Variants in KCTD1 observed in about 807,000 individuals in gnomAD.
KCTD1 encodes the protein BTB/POZ domain-containing protein KCTD1.
Under a neutral mutation model 66.0 loss-of-function variants are expected in KCTD1, and 24 were observed. The ratio of observed to expected loss-of-function variants is 0.36; its 90% CI spans 0.26 to 0.51. The LOEUF (loss-of-function observed/expected upper bound fraction) is 0.51, where lower values mean the gene tolerates loss of function less well. KCTD1 is among the 20% of genes least tolerant of loss of function. KCTD1 has a pLI of 0.95. For synonymous variants in KCTD1, 511 were observed against 517.2 expected (o/e 0.99, Z 0.16); for missense variants, 943 against 1,205.2 (o/e 0.78, Z 3.22).
At chr18:26,586,343 A>G (rs1161759914) in intron 1 of KCTD1, among the ~76,000 whole-genome samples, 3 of 152,188 alleles carry the variant, frequency 2.0e-5, no homozygotes, top group Admixed American at 6.5e-5. Flanking sequence ...CTGCACCCAT[A>G]TAAGACAGTG....
In KCTD1 at chr18:26,548,149, C is replaced by A; in HGVS notation, c.388G>T (p.Ala130Ser). The A allele has an allele frequency of 7.4e-7, 1 of 1,352,652 alleles. No individual in the cohort carries two copies. Among genetic ancestry groups the A allele is most frequent in the Non-Finnish European group, 9.5e-7 (1 of 1,058,180 alleles). The allele number at this position is 1,352,652 out of a possible 1,614,324, so 83.8% of individuals were successfully genotyped here. A position where few individuals can be genotyped will look rare whatever the true frequency, so the allele number is the denominator to read the frequency against. The change falls in exon 1 of 5, where the codon GCG becomes TCG. Residue 130 changes from alanine (A) to serine (S), a missense_variant. Transcript: ENST00000580059. Reference sequence around the variant, plus strand: ...CGCGGCGGCGCCTCGGGCTCCAGCGCGGCGCTCTGGTCCATATTGATCATA... The same window carrying A: ...CGCGGCGGCGCCTCGGGCTCCAGCGAGGCGCTCTGGTCCATATTGATCATA... Reference protein sequence around the residue: ...VHMINMDQSAALEPEAPPRLL... With the variant: ...VHMINMDQSASLEPEAPPRLL...
At chr18:26,604,517 A>G (rs1467609312) in intron 1 of KCTD1, among the ~76,000 whole-genome samples, 2 of 152,244 alleles carry the variant, frequency 1.3e-5, no homozygotes, top group Non-Finnish European at 2.9e-5. Flanking sequence ...CTAAATGTCT[A>G]TAAAGAAAAT....
intron 1 of KCTD1, among the ~76,000 whole-genome samples, chr18:26,582,955 A>G (rs1192676732): frequency 6.6e-6 from 1 of 152,216 alleles, no homozygotes; most frequent in African/African-American, 2.4e-5. Context: ...AATTCAATTT[A>G]GAGAAAAAAT....
chr18:26,634,365 T>C (rs1987679569), intron 1 of KCTD1, among the ~76,000 whole-genome samples: 1 of 152,210 alleles, frequency 6.6e-6, no homozygotes, highest in African/African-American at 2.4e-5. Flanking sequence ...TAATCCATTT[T>C]GTGAAACAAC....
upstream of KCTD1, chr18:26,549,771 C>T (rs943505958): frequency 3.2e-5 from 32 of 985,444 alleles, no homozygotes; most frequent in African/African-American, 5.2e-4. Context: ...CCGGGCTGCG[C>T]TGCCTCAGGC....
At chr18:26,641,232 C>T (rs147280461), upstream of KCTD1, among the ~76,000 whole-genome samples, 7 of 152,154 alleles carry the variant, frequency 4.6e-5, no homozygotes, top group South Asian at 2.1e-4. Context: ...TACCACGTTT[C>T]CCCCAAGATT....
intron 1 of KCTD1, among the ~76,000 whole-genome samples, chr18:26,619,115 T>C (rs1987318660): frequency 6.6e-6 from 1 of 152,230 alleles, no homozygotes; most frequent in East Asian, 1.9e-4. Context: ...AAGTTTAGCT[T>C]AGATATATGT....
At chr18:26,549,985 C>T (rs184499431), upstream of KCTD1, among the ~76,000 whole-genome samples, 323 of 152,200 alleles carry the variant, frequency 2.1e-3, 1 homozygote, top group African/African-American at 7.4e-3. Flanking sequence ...CGGCTGTTCT[C>T]TTAGGAGGCA....
chr18:26,592,547 C>T (rs1438585), intron 1 of KCTD1, among the ~76,000 whole-genome samples: 1 of 151,922 alleles, frequency 6.6e-6, no homozygotes, highest in Non-Finnish European at 1.5e-5. Context: ...TATTCAGCCC[C>T]GCCTAGTAAA....
At chr18:26,471,999 G>A (rs1981091522) in intron 3 of KCTD1, among the ~76,000 whole-genome samples, 1 of 152,172 alleles carries the variant, frequency 6.6e-6, no homozygotes, top group Admixed American at 6.5e-5. Context: ...TCACACGTGG[G>A]AGGCGAAGAA....
At chr18:26,549,326 C>T (rs1985447154), upstream of KCTD1, 29 of 985,292 alleles carry the variant, frequency 2.9e-5, no homozygotes, top group Non-Finnish European at 3.4e-5. Flanking sequence ...GAGCGAAACA[C>T]GCCCCACGTC....
At chr18:26,578,689 C>G (rs1986285739) in intron 1 of KCTD1, among the ~76,000 whole-genome samples, 1 of 152,156 alleles carries the variant, frequency 6.6e-6, no homozygotes, top group African/African-American at 2.4e-5. Flanking sequence ...TATGAAGGAG[C>G]CCTTGACATG....
At chr18:26,570,214 A>G (rs1052663689) in intron 1 of KCTD1, among the ~76,000 whole-genome samples, 2 of 148,398 alleles carry the variant, frequency 1.3e-5, no homozygotes, top group African/African-American at 4.9e-5. Context: ...ATATATATAT[A>G]TGATTTCAGC....
At chr18:26,607,444 C>T (rs976355009) in intron 1 of KCTD1, among the ~76,000 whole-genome samples, 2 of 152,206 alleles carry the variant, frequency 1.3e-5, no homozygotes, top group South Asian at 2.1e-4. Flanking sequence ...ACAACCTATC[C>T]TATGATGTGC....
chr18:26,551,415 C>T (rs955180526), upstream of KCTD1, among the ~76,000 whole-genome samples: 24 of 152,008 alleles, frequency 1.6e-4, no homozygotes, highest in Non-Finnish European at 3.2e-4. Flanking sequence ...GGGCAGGACC[C>T]GCGCTTAAAT....
chr18:26,506,339 C>A (rs573962040), intron 1 of KCTD1, among the ~76,000 whole-genome samples: 2 of 152,072 alleles, frequency 1.3e-5, no homozygotes, highest in South Asian at 2.1e-4. Flanking sequence ...AGAGGAAGGC[C>A]GGGCTACTAT....
chr18:26,546,830 A>T lies in KCTD1; in HGVS notation c.1707T>A (p.Val569=). 6.5e-7 allele frequency: 1 copy of T among 1,532,550 alleles called. No homozygotes were observed. The highest frequency in any genetic ancestry group is 8.8e-7 in the Non-Finnish European group (1 of 1,139,596). 94.9% of individuals were successfully genotyped at this position (1,532,550 alleles called of 1,614,324 possible). ...GAGGCAGGGGGTCGTGTTTCACGGA[A>T]ACCACCACCACCGCATCCACAGGCT... ...PSEPVDAVVV[V]SVKHDPLPLL... The change falls in exon 1 of 5, where the codon GTT becomes GTA. Residue 569 remains valine, a synonymous_variant. Transcript: ENST00000580059.
Position 26,655,002 on chromosome 18 carries a change from CGGATCCACTGCTA to C in KCTD1, c.9+2345_9+2357del, listed in dbSNP as rs1328236465. Among the ~76,000 whole-genome samples the C allele has an allele frequency of 2.6e-5, 4 of 152,208 alleles. No homozygotes were observed. The South Asian group carries it at 6.2e-4, about 24-fold the overall frequency. On this transcript the variant is annotated intron_variant, in intron 1 of 4. Coordinates refer to the KCTD1 transcript ENST00000580191. ...CACTGCCCATTATCCAGGAGACAAACGGATCCACTGCTATTTTAAATTCACCAAGTAGGCTATT... is the reference window on the plus strand; with the variant it reads ...CACTGCCCATTATCCAGGAGACAAACTTTTAAATTCACCAAGTAGGCTATT...
intron 4 of KCTD1, chr18:26,457,199 T>C (rs1980137972): frequency 6.6e-6 from 1 of 151,976 alleles, no homozygotes; most frequent in African/African-American, 2.4e-5. Flanking sequence ...AAAATTAACA[T>C]TCTACCCAGC....
Sources: gnomAD v4.1 joint callset for allele counts (sites outside exome capture counted in the v4.1 genomes callset) on GRCh38, gnomAD v4.1.1 for gene constraint, MANE v1.5 for transcripts, NCBI Gene and HGNC (gene_info 2026-07-23, HGNC 2026-07-21) for gene names.